RNGTT: variants seen among roughly 807,000 people sequenced by gnomAD.
The protein encoded by RNGTT is RNA guanylyltransferase and 5'-phosphatase.
A neutral mutation model predicts 79.3 loss-of-function variants in RNGTT; 33 were observed. The ratio of observed to expected loss-of-function variants is 0.42; its 90% CI spans 0.32 to 0.56. RNGTT has a LOEUF of 0.56. Ranked by LOEUF, RNGTT falls within the 20% of genes least tolerant of loss-of-function variation. RNGTT has a pLI of 0.17. For synonymous variants in RNGTT, 222 were observed against 235.9 expected (o/e 0.94, Z 0.54); for missense variants, 497 against 739.1 (o/e 0.67, Z 3.80).
intron 8 of RNGTT, among the ~76,000 whole-genome samples, chr6:88,861,402 T>C (rs1782010741): frequency 2.0e-5 from 3 of 152,230 alleles, no homozygotes; most frequent in Admixed American, 6.5e-5. Flanking sequence ...CTTTCTTCCT[T>C]CCCCATGGGG....
chr6:88,719,012 A>C (rs932407868), intron 13 of RNGTT, among the ~76,000 whole-genome samples: 3 of 152,238 alleles, frequency 2.0e-5, no homozygotes, highest in African/African-American at 7.2e-5. Context: ...TAAACATCTA[A>C]GTAAAGCAGT....
chr6:88,654,297 A>G lies in RNGTT; in HGVS notation c.1506+24056T>C, dbSNP rs140533660. ...AACACTGAAAATTTTCCTCATCATT[A>G]AGAGTATTACAGAAAATTTAGCCAT... is the stretch of plus-strand genomic sequence containing the variant. On this transcript the variant is annotated intron_variant, in intron 14 of 15. Coordinates refer to ENST00000369485, the MANE Select transcript of RNGTT (RefSeq NM_003800.5). Among the ~76,000 whole-genome samples, 322 of 152,254 alleles carry G rather than the reference A, an allele frequency of 2.1e-3. 1 individual carries two copies. The highest frequency in any genetic ancestry group is 6.5e-3 in the African/African-American group (270 of 41,574).
intron 13 of RNGTT, among the ~76,000 whole-genome samples, chr6:88,682,165 T>C (rs1292725199): frequency 6.6e-6 from 1 of 152,138 alleles, no homozygotes; most frequent in Non-Finnish European, 1.5e-5. Flanking sequence ...GTAAATTGAG[T>C]CTGTAATTAT....
chr6:88,936,193 A>T (rs1259984831), intron 2 of RNGTT, among the ~76,000 whole-genome samples: 1 of 152,136 alleles, frequency 6.6e-6, no homozygotes, highest in Non-Finnish European at 1.5e-5. Flanking sequence ...TAGCCTCCCA[A>T]AGCACTTTGG....
chr6:88,936,046 T>G (rs1467781345), intron 2 of RNGTT, among the ~76,000 whole-genome samples: 1 of 152,180 alleles, frequency 6.6e-6, no homozygotes, highest in Non-Finnish European at 1.5e-5. Context: ...CAGCCTCCTG[T>G]GTAGGTGGAA....
chr6:88,942,192 C>A (rs1000727341), intron 1 of RNGTT, among the ~76,000 whole-genome samples: 1 of 152,060 alleles, frequency 6.6e-6, no homozygotes, highest in African/African-American at 2.4e-5. Flanking sequence ...AGGATAAAGA[C>A]CATGCTAGAA....
chr6:88,667,710 G>A (rs1306309399), intron 14 of RNGTT, among the ~76,000 whole-genome samples: 1 of 152,144 alleles, frequency 6.6e-6, no homozygotes, highest in Non-Finnish European at 1.5e-5. Flanking sequence ...CGGCATTTGT[G>A]GCTGACTTGG....
chr6:88,712,609 A>G (rs1336258763), intron 13 of RNGTT, among the ~76,000 whole-genome samples: 1 of 152,176 alleles, frequency 6.6e-6, no homozygotes, highest in Non-Finnish European at 1.5e-5. Context: ...GGTGTGCCTG[A>G]TAATACTTTA....
chr6:88,680,437 C>T (rs1775048950), intron 13 of RNGTT, among the ~76,000 whole-genome samples: 3 of 152,084 alleles, frequency 2.0e-5, no homozygotes, highest in Admixed American at 6.5e-5. Context: ...TCCCCTGTCC[C>T]CTACGTTCTA....
At chr6:88,894,962 C>T (rs77178422) in intron 6 of RNGTT, among the ~76,000 whole-genome samples, 3,305 of 151,978 alleles carry the variant, frequency 0.022, 125 homozygotes, top group African/African-American at 0.074. Flanking sequence ...GCAATGTCTT[C>T]GGTCTGGAAT....
At chr6:88,749,934 T>C (rs1777786892) in intron 13 of RNGTT, among the ~76,000 whole-genome samples, 1 of 152,144 alleles carries the variant, frequency 6.6e-6, no homozygotes, top group African/African-American at 2.4e-5. Flanking sequence ...GGCAATCCTT[T>C]GTGTTTCTTG....
chr6:88,671,001 T>G (rs372889953), intron 14 of RNGTT, among the ~76,000 whole-genome samples: 1 of 152,174 alleles, frequency 6.6e-6, no homozygotes, highest in East Asian at 1.9e-4. Context: ...AACATTATAC[T>G]GAACAGGGAA....
chr6:88,707,066 A>C (rs906053222), intron 13 of RNGTT, among the ~76,000 whole-genome samples: 1 of 152,216 alleles, frequency 6.6e-6, no homozygotes, highest in Non-Finnish European at 1.5e-5. Flanking sequence ...AATTTTGGCA[A>C]ATGTTTTAGA....
chr6:88,832,020 T>G (rs1029331022), intron 11 of RNGTT, among the ~76,000 whole-genome samples: 1 of 152,196 alleles, frequency 6.6e-6, no homozygotes, highest in Non-Finnish European at 1.5e-5. Flanking sequence ...TAGCCCAAAG[T>G]AATTTATAGA....
intron 13 of RNGTT, among the ~76,000 whole-genome samples, chr6:88,683,125 A>G (rs1174982743): frequency 6.6e-6 from 1 of 152,144 alleles, no homozygotes; most frequent in Non-Finnish European, 1.5e-5. Flanking sequence ...AGAAGCAAAG[A>G]GATAACAATT....
intron 13 of RNGTT, among the ~76,000 whole-genome samples, chr6:88,752,467 T>A (rs1356791509): frequency 6.6e-6 from 1 of 152,118 alleles, no homozygotes; most frequent in Non-Finnish European, 1.5e-5. Context: ...TAGAGCAAAC[T>A]ATAACAAATT....
chr6:88,780,376 A>G (rs1779023376), intron 12 of RNGTT, among the ~76,000 whole-genome samples: 1 of 152,214 alleles, frequency 6.6e-6, no homozygotes, highest in African/African-American at 2.4e-5. Context: ...AAGAGCAAAT[A>G]TATTACAAAT....
intron 14 of RNGTT, among the ~76,000 whole-genome samples, chr6:88,665,848 A>G (rs572259698): frequency 1.4e-4 from 22 of 152,336 alleles, no homozygotes; most frequent in Non-Finnish European, 2.5e-4. Flanking sequence ...CGGGTGCGTC[A>G]AAGGAACAGA....
intron 1 of RNGTT, among the ~76,000 whole-genome samples, chr6:88,961,327 G>T (rs538330044): frequency 4.6e-5 from 7 of 152,062 alleles, no homozygotes; most frequent in African/African-American, 1.7e-4. Context: ...GTCTGTATGT[G>T]TGTGTGTGTA....
Sources: gnomAD v4.1 joint callset for allele counts (sites outside exome capture counted in the v4.1 genomes callset) on GRCh38, gnomAD v4.1.1 for gene constraint, MANE v1.5 for transcripts, NCBI Gene and HGNC (gene_info 2026-07-23, HGNC 2026-07-21) for gene names.